BTBD9: variants seen among roughly 807,000 people sequenced by gnomAD.
BTBD9 encodes BTB domain containing 9.
BTBD9 carries 49 observed loss-of-function variants against 64.3 expected under a neutral mutation model. The ratio of observed to expected loss-of-function variants is 0.76; its 90% CI spans 0.61 to 0.97. The LOEUF is 0.97. BTBD9 is among the 50% of genes least tolerant of loss of function. The pLI is 0.00. For synonymous variants in BTBD9, 260 were observed against 274.7 expected (o/e 0.95, Z 0.53); for missense variants, 598 against 762.1 (o/e 0.78, Z 2.53).
At chr6:38,536,780 G>A (rs572097548) in intron 6 of BTBD9, among the ~76,000 whole-genome samples, 11 of 152,182 alleles carry the variant, frequency 7.2e-5, no homozygotes, top group Non-Finnish European at 1.2e-4. Flanking sequence ...AATTGAACTC[G>A]TGGAGATAGA....
intron 6 of BTBD9, chr6:38,402,689 T>A: frequency 1.6e-6 from 1 of 625,498 alleles, no homozygotes; most frequent in Non-Finnish European, 2.8e-6. Context: ...GACCTAAACA[T>A]AAGAGTCAAA....
intron 2 of BTBD9, chr6:38,595,838 C>T (rs999060382): frequency 1.9e-5 from 19 of 984,942 alleles, no homozygotes; most frequent in African/African-American, 5.3e-5. Flanking sequence ...GAGCATCCAA[C>T]CATTACCCTA....
chr6:38,492,812 T>G (rs1243226940), intron 6 of BTBD9, among the ~76,000 whole-genome samples: 4 of 152,186 alleles, frequency 2.6e-5, no homozygotes, highest in African/African-American at 9.7e-5. Context: ...ATGTACACTT[T>G]CGATTTAAGA....
chr6:38,335,644 C>T (rs932649351), intron 7 of BTBD9, among the ~76,000 whole-genome samples: 2 of 152,034 alleles, frequency 1.3e-5, no homozygotes, highest in African/African-American at 2.4e-5. Flanking sequence ...CGACTCACTG[C>T]AACCTCTGCC....
intron 6 of BTBD9, among the ~76,000 whole-genome samples, chr6:38,561,953 AAGAG>A (rs746452054): frequency 1.3e-5 from 2 of 152,154 alleles, no homozygotes; most frequent in African/African-American, 4.8e-5. Flanking sequence ...GAGAGAGAGA[AAGAG>A]AGAGCATGCA....
intron 4 of BTBD9, among the ~76,000 whole-genome samples, chr6:38,585,329 G>A (rs1776465548): frequency 6.6e-6 from 1 of 152,126 alleles, no homozygotes; most frequent in Non-Finnish European, 1.5e-5. Flanking sequence ...TTTTTTTAGA[G>A]ACAGGTTCTT....
intron 7 of BTBD9, among the ~76,000 whole-genome samples, chr6:38,307,452 T>C (rs915796515): frequency 2.0e-5 from 3 of 152,218 alleles, no homozygotes; most frequent in Non-Finnish European, 2.9e-5. Context: ...AGCTTTTCCT[T>C]TCCCAAAGTT....
At chr6:38,534,475 CAAAAAA>C (rs57383061) in intron 6 of BTBD9, among the ~76,000 whole-genome samples, 2 of 94,946 alleles carry the variant, frequency 2.1e-5, no homozygotes, top group East Asian at 4.9e-4. Context: ...TCAAACTGTT[CAAAAAA>C]AAAAAAAAAA....
chr6:38,593,830 G>A (rs1582689390), intron 3 of BTBD9, 134 bp downstream of exon 3: 6 of 786,718 alleles, frequency 7.6e-6, no homozygotes, highest in Non-Finnish European at 2.0e-6. Flanking sequence ...CAAGTGGCTA[G>A]ACCAGATAAC....
chr6:38,618,927 C>T (rs1777890498), intron 1 of BTBD9, among the ~76,000 whole-genome samples: 1 of 152,144 alleles, frequency 6.6e-6, no homozygotes, highest in African/African-American at 2.4e-5. Flanking sequence ...GTCAGCAAGC[C>T]GTCCCCAGTA....
intron 6 of BTBD9, among the ~76,000 whole-genome samples, chr6:38,491,459 A>G (rs1771698641): frequency 6.6e-6 from 1 of 152,216 alleles, no homozygotes. Context: ...TGTATTTAAC[A>G]ATTATTTTTT....
At chr6:38,487,945 T>C (rs1390520269) in intron 6 of BTBD9, among the ~76,000 whole-genome samples, 1 of 152,218 alleles carries the variant, frequency 6.6e-6, no homozygotes, top group African/African-American at 2.4e-5. Context: ...TGACCTCTGC[T>C]CTAGATCTTA....
At chr6:38,338,241 GACAA>G (rs1440664462) in intron 7 of BTBD9, among the ~76,000 whole-genome samples, 2 of 152,270 alleles carry the variant, frequency 1.3e-5, no homozygotes, top group East Asian at 1.9e-4. Flanking sequence ...GGATACACTG[GACAA>G]ACAGATGATT....
chr6:38,487,677 G>A (rs977493113), intron 6 of BTBD9, among the ~76,000 whole-genome samples: 1 of 141,376 alleles, frequency 7.1e-6, no homozygotes, highest in African/African-American at 2.7e-5. Context: ...GAAGAAAAGA[G>A]AAGAAAGGAA....
intron 4 of BTBD9, among the ~76,000 whole-genome samples, chr6:38,591,979 G>GGC (rs1776813325): frequency 6.6e-6 from 1 of 152,142 alleles, no homozygotes; most frequent in Non-Finnish European, 1.5e-5. Context: ...GAGGTCAGGA[G>GGC]TTTGAGACCA....
At chr6:38,267,879 G>T (rs982640828) in intron 8 of BTBD9, among the ~76,000 whole-genome samples, 1 of 152,214 alleles carries the variant, frequency 6.6e-6, no homozygotes, top group African/African-American at 2.4e-5. Context: ...AGCAGAGCTT[G>T]CAGTGAGCCG....
intron 6 of BTBD9, among the ~76,000 whole-genome samples, chr6:38,524,109 G>A (rs958549574): frequency 7.9e-5 from 12 of 151,790 alleles, no homozygotes; most frequent in East Asian, 3.9e-4. Context: ...TGATTTCTCC[G>A]CAATTACTAA....
chr6:38,560,751 C>T (rs1562340734), intron 6 of BTBD9, among the ~76,000 whole-genome samples: 2 of 152,128 alleles, frequency 1.3e-5, no homozygotes, highest in East Asian at 3.9e-4. Flanking sequence ...CGCTCAAGTA[C>T]ACCCCAGTGT....
At chr6:38,332,060 A>G (rs1294984190) in intron 7 of BTBD9, among the ~76,000 whole-genome samples, 1 of 152,178 alleles carries the variant, frequency 6.6e-6, no homozygotes, top group Non-Finnish European at 1.5e-5. Flanking sequence ...TTTATGGACT[A>G]TTACGTTTTT....
Sources: gnomAD v4.1 joint callset for allele counts (sites outside exome capture counted in the v4.1 genomes callset) on GRCh38, gnomAD v4.1.1 for gene constraint, MANE v1.5 for transcripts, NCBI Gene and HGNC (gene_info 2026-07-23, HGNC 2026-07-21) for gene names.